The following DNASE1 variants were observed in gnomAD, a reference collection of about 807,000 sequenced individuals.
DNASE1 encodes the protein deoxyribonuclease-1.
DNASE1 carries 40 observed loss-of-function variants against 33.9 expected under a neutral mutation model. The observed-to-expected ratio is 1.18, with a 90% CI of 0.92 to 1.54. The LOEUF is 1.54. DNASE1 is among the 40% of genes most tolerant of loss of function. DNASE1 has a pLI of 0.00. For synonymous variants in DNASE1, 216 were observed against 160.0 expected (o/e 1.35, Z -2.64); for missense variants, 518 against 372.6 (o/e 1.39, Z -3.21).
intron 1 of DNASE1, among the ~76,000 whole-genome samples, chr16:3,620,274 G>A (rs2041260045): frequency 6.6e-6 from 1 of 152,128 alleles, no homozygotes; most frequent in African/African-American, 2.4e-5. Context: ...TACATTCATT[G>A]AGTCACATCA....
intron 1 of DNASE1, among the ~76,000 whole-genome samples, chr16:3,614,061 C>T (rs886279196): frequency 3.3e-5 from 5 of 151,944 alleles, no homozygotes; most frequent in African/African-American, 4.8e-5. Context: ...TACAGGCGCC[C>T]GCCACCACAC....
chr16:3,646,122 T>C (rs976778554), intron 1 of DNASE1, among the ~76,000 whole-genome samples: 2 of 152,094 alleles, frequency 1.3e-5, no homozygotes, highest in Non-Finnish European at 2.9e-5. Context: ...CCCTGGGAGC[T>C]TCCTGTCAGC....
chr16:3,664,622 T>C, exon 10 of DNASE1: 1 of 715,188 alleles, frequency 1.4e-6, no homozygotes, highest in Admixed American at 3.2e-5. Flanking sequence ...AGAGCAGGCC[T>C]TGCTCTGCCC....
At position 3,657,775 on chromosome 16, in the gene DNASE1, C is replaced by G. The variant is rs755878799; in HGVS notation, c.760C>G (p.Pro254Ala). The change falls in exon 8 of 9, where the codon CCC becomes GCC. Residue 254 changes from proline to alanine, a missense_variant. Coordinates refer to ENST00000246949, the MANE Select transcript of DNASE1 (RefSeq NM_005223.4). The part of the protein sequence containing the change: ...RGAVVPDSAL[P>A]FNFQAAYGLS... ...CGCCGTTGTTCCCGACTCGGCTCTT[C>G]CCTTTAACTTCCAGGCTGCCTATGG... The G allele has an allele frequency of 1.3e-5, 21 of 1,613,938 alleles. No homozygotes were observed. The highest frequency in any genetic ancestry group is 1.7e-5 in the Non-Finnish European group (20 of 1,180,004).
chr16:3,633,111 A>G (rs965928993), intron 1 of DNASE1, among the ~76,000 whole-genome samples: 7 of 152,232 alleles, frequency 4.6e-5, no homozygotes, highest in Non-Finnish European at 1.0e-4. Flanking sequence ...TATTTAGAAC[A>G]TTGACATTTA....
At chr16:3,624,396 T>C (rs968274566) in intron 1 of DNASE1, among the ~76,000 whole-genome samples, 2 of 152,258 alleles carry the variant, frequency 1.3e-5, no homozygotes, top group African/African-American at 2.4e-5. Context: ...AAAATTGTTA[T>C]TGGCCAGCTG....
intron 1 of DNASE1, among the ~76,000 whole-genome samples, chr16:3,632,061 T>C (rs1485509014): frequency 1.3e-5 from 2 of 152,228 alleles, no homozygotes; most frequent in Non-Finnish European, 2.9e-5. Context: ...TATTATATAC[T>C]GTGTGTCCCA....
chr16:3,665,091 T>A (rs1277531788), exon 10 of DNASE1: 6 of 152,476 alleles, frequency 3.9e-5, no homozygotes, highest in African/African-American at 1.4e-4. Context: ...TGGGTCTGCA[T>A]TGATAAGACA....
At chr16:3,662,536 A>C (rs2043143598), downstream of DNASE1, 3 of 537,794 alleles carry the variant, frequency 5.6e-6, no homozygotes, top group Non-Finnish European at 1.0e-5. Flanking sequence ...CCCCCGACTA[A>C]GCACCCAAGT....
chr16:3,624,595 T>C (rs1286633068), intron 1 of DNASE1, among the ~76,000 whole-genome samples: 1 of 152,204 alleles, frequency 6.6e-6, no homozygotes, highest in Non-Finnish European at 1.5e-5. Context: ...GTGCTCAGCA[T>C]CCGAACATCT....
chr16:3,655,936 C>G lies in DNASE1; in HGVS notation c.235C>G (p.Gln79Glu). 1 of 1,613,678 alleles carries G rather than the reference C, an allele frequency of 6.2e-7. No homozygotes were observed. Among genetic ancestry groups the G allele is most frequent in the Non-Finnish European group, 8.5e-7 (1 of 1,179,692 alleles). ...GGGGAAGCTGCTGGACAACCTCAAT[C>G]AGTGGGTGACAGTGGCAGGGTCATA... is the stretch of plus-strand genomic sequence containing the variant. ...AVGKLLDNLNQDAPDTYHYVV... is the reference protein window; with the variant it reads ...AVGKLLDNLNEDAPDTYHYVV... Residue 79 changes from glutamine to glutamate, a missense_variant and splice_region_variant, in exon 3 of 9, where the codon CAG (glutamine) becomes GAG (glutamate). By Grantham distance (29) the Gln-to-Glu change is conservative (BLOSUM62 2). Transcript: ENST00000246949.
chr16:3,618,288 G>A (rs2041181773), intron 1 of DNASE1, among the ~76,000 whole-genome samples: 1 of 151,550 alleles, frequency 6.6e-6, no homozygotes, highest in Admixed American at 6.6e-5. Flanking sequence ...AGGATGTAAG[G>A]AAGTTAGAAC....
chr16:3,656,944 G>GTGAC (rs762353660), intron 5 of DNASE1, 55 bp from the exon 6 acceptor site: 172 of 1,593,244 alleles, frequency 1.1e-4, no homozygotes, highest in Non-Finnish European at 1.4e-4. Context: ...AGCTGACATG[G>GTGAC]TGACTGAACC....
upstream of DNASE1, among the ~76,000 whole-genome samples, chr16:3,650,118 A>C (rs1223293372): frequency 6.6e-6 from 1 of 152,160 alleles, no homozygotes; most frequent in African/African-American, 2.4e-5. Context: ...GAGTTAATTC[A>C]TGGATATTTA....
intron 1 of DNASE1, among the ~76,000 whole-genome samples, chr16:3,649,334 A>G (rs551222326): frequency 1.3e-5 from 2 of 152,346 alleles, no homozygotes; most frequent in Admixed American, 1.3e-4. Context: ...AAGGCAGAAT[A>G]CCGCCTTGAT....
At chr16:3,656,274 T>A in intron 4 of DNASE1, 89 bp downstream of exon 4, 1 of 1,392,120 alleles carries the variant, frequency 7.2e-7, no homozygotes, top group Non-Finnish European at 1.0e-6. Context: ...TAGTTTGTCC[T>A]ATGGCAAGAA....
intron 1 of DNASE1, among the ~76,000 whole-genome samples, chr16:3,623,324 G>A: frequency 6.6e-6 from 1 of 151,966 alleles, no homozygotes; most frequent in East Asian, 1.9e-4. Flanking sequence ...ATCTCTCACC[G>A]CATACAAAAA....
chr16:3,624,627 G>C (rs1412277156), intron 1 of DNASE1, among the ~76,000 whole-genome samples: 1 of 152,192 alleles, frequency 6.6e-6, no homozygotes, highest in Non-Finnish European at 1.5e-5. Flanking sequence ...GCCATTCCCA[G>C]TGGTGGCCCA....
chr16:3,654,331 G>A (rs1292062164), upstream of DNASE1: 1 of 398,614 alleles, frequency 2.5e-6, no homozygotes, highest in African/African-American at 2.1e-5. Context: ...TGGTGCTGCA[G>A]GCCCCCACCA....
Sources: allele counts gnomAD v4.1 joint callset (sites outside exome capture counted in the v4.1 genomes callset), GRCh38; gene constraint gnomAD v4.1.1; transcripts MANE v1.5; gene names NCBI Gene and HGNC (gene_info 2026-07-23, HGNC 2026-07-21).